SESTD1: variants seen among roughly 807,000 people sequenced by gnomAD.
The protein encoded by SESTD1 is SEC14 and spectrin domain containing 1, also known as SEC14 domain and spectrin repeat-containing protein 1.
A neutral mutation model predicts 101.7 loss-of-function variants in SESTD1; 43 were observed. That is an observed-to-expected ratio of 0.42 (90% CI 0.33 to 0.55). SESTD1 has a LOEUF of 0.55. Ranked by LOEUF, SESTD1 falls within the 20% of genes least tolerant of loss-of-function variation. The probability of loss-of-function intolerance (pLI) is 0.07; values close to 1 mark genes in which losing one functional copy is unlikely to be tolerated. For synonymous variants in SESTD1, 283 were observed against 286.8 expected (o/e 0.99, Z 0.13); for missense variants, 647 against 815.1 (o/e 0.79, Z 2.51).
At position 179,146,398 on chromosome 2, in the gene SESTD1, T is replaced by C. The variant is rs1447115071; in HGVS notation, c.637+4A>G. On this transcript the variant is annotated splice_donor_region_variant and intron_variant, in intron 8 of 17. Transcript: ENST00000428443. ...TATTATCACAAATATTTTTTAAATC[T>C]TACCTGTCTGAAGAACTGTTTCAGG... The C allele has an allele frequency of 1.2e-6, 2 of 1,608,040 alleles. No homozygotes were observed. Among genetic ancestry groups the C allele is most frequent in the Non-Finnish European group, 8.5e-7 (1 of 1,176,486 alleles).
chr2:179,194,330 G>C (rs1466630163), intron 1 of SESTD1, among the ~76,000 whole-genome samples: 4 of 152,196 alleles, frequency 2.6e-5, no homozygotes, highest in East Asian at 1.9e-4. Flanking sequence ...GCTGCTCCAG[G>C]ACGTGGCAAA....
intron 1 of SESTD1, among the ~76,000 whole-genome samples, chr2:179,259,745 T>C (rs12693180): frequency 0.13 from 19,669 of 152,070 alleles, 1,436 homozygotes; most frequent in South Asian, 0.25. Context: ...AAAAAAAAAA[T>C]TGACTATTTT....
intron 1 of SESTD1, among the ~76,000 whole-genome samples, chr2:179,249,890 C>CA (rs60865157): frequency 0.22 from 24,865 of 111,124 alleles, 2,534 homozygotes; most frequent in African/African-American, 0.33. Flanking sequence ...TATCCACAGG[C>CA]AAAAAAAAAA....
intron 12 of SESTD1, 97 bp from the exon 13 acceptor site, chr2:179,122,026 A>G: frequency 8.0e-7 from 1 of 1,251,622 alleles, no homozygotes; most frequent in Non-Finnish European, 1.1e-6. Flanking sequence ...CTGGATCCCA[A>G]GTATAGGAGC....
At chr2:179,135,094 G>A (rs903009188) in intron 9 of SESTD1, among the ~76,000 whole-genome samples, 9 of 151,836 alleles carry the variant, frequency 5.9e-5, no homozygotes, top group African/African-American at 2.2e-4. Flanking sequence ...ACAGGCGCCC[G>A]CCACCACACC....
Position 179,106,551 on chromosome 2 carries a change from C to T in SESTD1, c.*3348G>A, listed in dbSNP as rs1252203102. 6.6e-6 allele frequency: 1 copy of T among 152,066 alleles called. No individual in the cohort carries two copies. Among genetic ancestry groups the T allele is most frequent in the African/African-American group, 2.4e-5 (1 of 41,416 alleles). The allele number at this position is 152,066 out of a possible 1,614,324, so 9.4% of individuals were successfully genotyped here. A position where few individuals can be genotyped will look rare whatever the true frequency, so the allele number is the denominator to read the frequency against. ...TAAGGTAACTTAATTGTCATGCTCA[C>T]GCTAAGGAGTACGACACTAATAATA... On this transcript the variant is annotated 3_prime_UTR_variant, in exon 18 of 18. Coordinates refer to ENST00000428443, the MANE Select transcript of SESTD1 (RefSeq NM_178123.5).
intron 4 of SESTD1, 59 bp from the exon 5 acceptor site, chr2:179,172,292 T>C: frequency 8.8e-7 from 1 of 1,140,080 alleles, no homozygotes; most frequent in Non-Finnish European, 1.3e-6. Context: ...ATTTACTAAA[T>C]TTATAAATTA....
chr2:179,260,211 T>C (rs977768705), intron 1 of SESTD1, among the ~76,000 whole-genome samples: 2 of 152,222 alleles, frequency 1.3e-5, no homozygotes, highest in Non-Finnish European at 2.9e-5. Flanking sequence ...AAGACTCTTA[T>C]GAGGTAGGAG....
At chr2:179,115,833 C>T (rs770855810) in intron 15 of SESTD1, among the ~76,000 whole-genome samples, 2 of 152,154 alleles carry the variant, frequency 1.3e-5, no homozygotes, top group South Asian at 2.1e-4. Flanking sequence ...TTTCCCCCAT[C>T]GCAGTCTGCT....
At chr2:179,121,678 A>T (rs2044754171) in intron 13 of SESTD1, 92 bp downstream of exon 13, 2 of 1,112,300 alleles carry the variant, frequency 1.8e-6, no homozygotes, top group Non-Finnish European at 2.4e-6. Context: ...AACAGTTAAG[A>T]ACGTTTTGTC....
chr2:179,250,056 GAAC>G (rs753615415), intron 1 of SESTD1, among the ~76,000 whole-genome samples: 1 of 151,928 alleles, frequency 6.6e-6, no homozygotes, highest in South Asian at 2.1e-4. Context: ...TTTGCTCTGT[GAAC>G]AACATGTTAA....
intron 1 of SESTD1, among the ~76,000 whole-genome samples, chr2:179,262,102 G>GAA (rs2047490911): frequency 6.6e-6 from 1 of 152,134 alleles, no homozygotes; most frequent in Admixed American, 6.5e-5. Context: ...TATGTTAAGT[G>GAA]AAAGACACTA....
At chr2:179,227,163 C>T (rs572777434) in intron 1 of SESTD1, among the ~76,000 whole-genome samples, 2 of 151,566 alleles carry the variant, frequency 1.3e-5, no homozygotes, top group South Asian at 2.1e-4. Context: ...ACTACTTTTA[C>T]AGCCTAAGTG....
At chr2:179,171,889 G>C (rs2045935959) in intron 5 of SESTD1, among the ~76,000 whole-genome samples, 1 of 151,984 alleles carries the variant, frequency 6.6e-6, no homozygotes, top group South Asian at 2.1e-4. Context: ...AGTTAACAAA[G>C]AATGATACAA....
chr2:179,157,499 T>A (rs2045653955), intron 5 of SESTD1, among the ~76,000 whole-genome samples: 1 of 152,160 alleles, frequency 6.6e-6, no homozygotes, highest in South Asian at 2.1e-4. Flanking sequence ...AGTGTCATTG[T>A]TTCTTTGTTT....
intron 1 of SESTD1, 115 bp downstream of exon 1, chr2:179,264,384 G>A (rs1185393934): frequency 2.6e-5 from 4 of 151,132 alleles, no homozygotes; most frequent in Admixed American, 2.0e-4. Context: ...CCGCGCAGGG[G>A]AAGAAAGCCG....
At chr2:179,249,757 A>T (rs980296874) in intron 1 of SESTD1, among the ~76,000 whole-genome samples, 14 of 152,174 alleles carry the variant, frequency 9.2e-5, no homozygotes, top group Admixed American at 4.6e-4. Flanking sequence ...AAATGAATAA[A>T]ACAGAAGAGA....
rs753676862 is a variant in SESTD1, at chr2:179,121,787, C to T, written c.1425G>A (p.Met475Ile). The change falls in exon 13 of 18, where the codon ATG (methionine) becomes ATA (isoleucine). Residue 475 changes from methionine to isoleucine, a missense_variant. Physicochemically the swap from Met to Ile is conservative, Grantham distance 10. This residue lies in a region of SESTD1 where 476 missense variants were observed against 562.6 expected (regional missense o/e 0.85). Coordinates refer to ENST00000428443, the MANE Select transcript of SESTD1 (RefSeq NM_178123.5). The stretch of plus-strand genomic sequence containing the variant: ...AACTTTGCCTTTGTTTTCTAAGCTG[C>T]ATATCTTCCATCACTCCTTGTATGT... ...VDHIQGVMED[M>I]QLRKQRCEDM... The T allele has an allele frequency of 3.2e-6, 5 of 1,583,278 alleles. No homozygotes were observed. In the Admixed American group the frequency reaches 9.3e-5, roughly 29 times the overall value.
chr2:179,257,915 C>A lies in SESTD1; in HGVS notation c.-26+6584G>T, dbSNP rs1055021274. 2.2e-4 allele frequency among the ~76,000 whole-genome samples: 34 copies of A among 152,240 alleles called. 1 individual carries two copies. Among genetic ancestry groups the A allele is most frequent in the African/African-American group, 8.2e-4 (34 of 41,546 alleles). On this transcript the variant is annotated intron_variant, in intron 1 of 17. Coordinates refer to ENST00000428443, the MANE Select transcript of SESTD1 (RefSeq NM_178123.5). ...CATAGAATGATCAAAATATAGGAGA[C>A]ACATAACCACCAGTCTTCAAAGGGT...
Sources: allele counts gnomAD v4.1 joint callset (sites outside exome capture counted in the v4.1 genomes callset), GRCh38; gene constraint gnomAD v4.1.1; regional missense constraint gnomAD v4.1.1; transcripts MANE v1.5; gene names NCBI Gene and HGNC (gene_info 2026-07-23, HGNC 2026-07-21).